Variants in PLCL1 observed in about 807,000 individuals in gnomAD.
PLCL1 encodes the protein phospholipase C like 1 (inactive), also known as inactive phospholipase C-like protein 1.
A neutral mutation model predicts 84.4 loss-of-function variants in PLCL1; 41 were observed. That is an observed-to-expected ratio of 0.49 (90% CI 0.38 to 0.63). PLCL1 has a LOEUF of 0.63. Ranked by LOEUF, PLCL1 falls within the 30% of genes least tolerant of loss-of-function variation. The probability of loss-of-function intolerance (pLI) is 0.00; values close to 1 mark genes in which losing one functional copy is unlikely to be tolerated. For missense variants in PLCL1, 1,206 were observed against 1,367.8 expected (o/e 0.88, Z 1.87); for synonymous variants, 490 against 488.3 (o/e 1.00, Z -0.05).
chr2:197,994,385 CAT>C (rs1357544654), intron 1 of PLCL1, among the ~76,000 whole-genome samples: 4 of 152,108 alleles, frequency 2.6e-5, no homozygotes, highest in Admixed American at 2.6e-4. Flanking sequence ...CTGTAACAAA[CAT>C]CATATGCAGT....
At chr2:198,000,567 T>C (rs1690576068) in intron 1 of PLCL1, among the ~76,000 whole-genome samples, 1 of 152,184 alleles carries the variant, frequency 6.6e-6, no homozygotes, top group Non-Finnish European at 1.5e-5. Context: ...TTTTGGGGTC[T>C]TCTGTGTGGT....
At chr2:197,815,896 A>G (rs1690677184) in intron 1 of PLCL1, among the ~76,000 whole-genome samples, 1 of 152,152 alleles carries the variant, frequency 6.6e-6, no homozygotes, top group Non-Finnish European at 1.5e-5. Context: ...CTTATGTATG[A>G]GCAAAGAAAT....
intron 1 of PLCL1, among the ~76,000 whole-genome samples, chr2:197,907,228 G>T (rs567730809): frequency 6.6e-6 from 1 of 151,834 alleles, no homozygotes; most frequent in Non-Finnish European, 1.5e-5. Context: ...TATTCAAATA[G>T]TCTTTTTTCT....
At position 198,085,481 on chromosome 2, in the gene PLCL1, A is replaced by G; in HGVS notation, c.1964A>G (p.Asn655Ser). The stretch of plus-strand genomic sequence containing the variant: ...ATGAGGATCGATTCCAGTAACTTGA[A>G]TCCACAGGACTTTTGGAATTGTGGC... ...SAMRIDSSNL[N>S]PQDFWNCGCQ... is the part of the protein sequence containing the mutation. Residue 655 changes from asparagine (N) to serine (S), a missense_variant, in exon 2 of 6, where the codon AAT (asparagine) becomes AGT (serine). Transcript: ENST00000428675. This position sits in a 1 kb window ranked among gnomAD's most constrained non-coding sequence, Gnocchi z 5.3. 1.2e-6 allele frequency: 2 copies of G among 1,614,054 alleles called. No homozygotes were observed.
intron 5 of PLCL1, among the ~76,000 whole-genome samples, chr2:198,133,601 A>T (rs1694182153): frequency 1.3e-5 from 2 of 152,002 alleles, no homozygotes; most frequent in South Asian, 4.1e-4. Flanking sequence ...ATGGTATTTG[A>T]CATTTAGAAG....
At position 197,821,451 on chromosome 2, in the gene PLCL1, C is replaced by T. The variant is rs542943271; in HGVS notation, c.240+16112C>T. Among the ~76,000 whole-genome samples, 6 of 152,316 alleles carry T rather than the reference C, an allele frequency of 3.9e-5. No individual in the cohort carries two copies. The East Asian group carries it at 1.2e-3, about 29-fold the overall frequency. ...TAGTTTATTTCTTTAATAAGCAACA[C>T]TAAGCAGGTTATTACAAATCAGGTA... On this transcript the variant is annotated intron_variant, in intron 1 of 5. Coordinates refer to ENST00000428675, the MANE Select transcript of PLCL1 (RefSeq NM_006226.4).
chr2:197,957,474 G>A (rs1295253764), intron 1 of PLCL1, among the ~76,000 whole-genome samples: 1 of 152,010 alleles, frequency 6.6e-6, no homozygotes, highest in African/African-American at 2.4e-5. Context: ...TGTTTTAGAA[G>A]CCTCTCACTA....
At chr2:197,876,294 G>A (rs907673999) in intron 1 of PLCL1, among the ~76,000 whole-genome samples, 2 of 152,092 alleles carry the variant, frequency 1.3e-5, no homozygotes, top group Non-Finnish European at 2.9e-5. Context: ...CCCAGAAGAG[G>A]GGCTGGTAAC....
intron 1 of PLCL1, among the ~76,000 whole-genome samples, chr2:197,955,006 T>C (rs893744770): frequency 6.6e-6 from 1 of 152,068 alleles, no homozygotes; most frequent in Non-Finnish European, 1.5e-5. Context: ...ATGTATTCAT[T>C]TTCTAGGCGG....
chr2:198,135,976 G>C (rs983561138), intron 5 of PLCL1, among the ~76,000 whole-genome samples: 1 of 152,112 alleles, frequency 6.6e-6, no homozygotes, highest in Non-Finnish European at 1.5e-5. Context: ...TGCCTTTTGG[G>C]ATCCCCCAAG....
chr2:197,865,282 A>T (rs940631964), intron 1 of PLCL1, among the ~76,000 whole-genome samples: 2 of 152,206 alleles, frequency 1.3e-5, no homozygotes, highest in Non-Finnish European at 2.9e-5. Flanking sequence ...ATGGTGAGTT[A>T]TAGGTTGTAT....
intron 1 of PLCL1, among the ~76,000 whole-genome samples, chr2:197,810,474 G>A (rs992305034): frequency 1.3e-5 from 2 of 152,162 alleles, no homozygotes; most frequent in African/African-American, 4.8e-5. Context: ...AGCCATTGAG[G>A]GGTTAAACGT....
At chr2:198,011,974 T>G (rs1029161052) in intron 1 of PLCL1, among the ~76,000 whole-genome samples, 1 of 152,110 alleles carries the variant, frequency 6.6e-6, no homozygotes, top group Non-Finnish European at 1.5e-5. Flanking sequence ...TTTTTAACCC[T>G]TTTACTGTAG....
At chr2:198,132,173 G>A (rs1254450762) in intron 5 of PLCL1, among the ~76,000 whole-genome samples, 1 of 152,132 alleles carries the variant, frequency 6.6e-6, no homozygotes, top group Non-Finnish European at 1.5e-5. Flanking sequence ...CAATTGGTTT[G>A]TCTAATTGCT....
At chr2:198,071,134 ACAC>A (rs1273038386) in intron 1 of PLCL1, 2 of 152,680 alleles carry the variant, frequency 1.3e-5, no homozygotes, top group Non-Finnish European at 2.4e-5. Flanking sequence ...ACACACACAC[ACAC>A]AATGCATTTT....
At chr2:197,866,809 C>T (rs1332081833) in intron 1 of PLCL1, among the ~76,000 whole-genome samples, 1 of 152,120 alleles carries the variant, frequency 6.6e-6, no homozygotes, top group Admixed American at 6.5e-5. Flanking sequence ...CCACTGTTCC[C>T]TACTTGGGGT....
At chr2:198,115,976 A>G (rs1201114988) in intron 5 of PLCL1, among the ~76,000 whole-genome samples, 1 of 147,886 alleles carries the variant, frequency 6.8e-6, no homozygotes, top group African/African-American at 2.4e-5. Flanking sequence ...ATATAAAAAT[A>G]TACTTATTAA....
chr2:198,051,265 G>GA (rs1194906857), intron 1 of PLCL1, among the ~76,000 whole-genome samples: 1 of 151,952 alleles, frequency 6.6e-6, no homozygotes, highest in African/African-American at 2.4e-5. Context: ...AGAGGATTGA[G>GA]AAAAAAACTT....
At chr2:198,045,483 G>A (rs1691765421) in intron 1 of PLCL1, among the ~76,000 whole-genome samples, 1 of 152,104 alleles carries the variant, frequency 6.6e-6, no homozygotes, top group Admixed American at 6.5e-5. Context: ...ATTACATAGG[G>A]CATTTTCACT....
Sources: allele counts gnomAD v4.1 joint callset (sites outside exome capture counted in the v4.1 genomes callset), GRCh38; gene constraint gnomAD v4.1.1; non-coding constraint Gnocchi (gnomAD v3.1); transcripts MANE v1.5; gene names NCBI Gene and HGNC (gene_info 2026-07-23, HGNC 2026-07-21).